RAB31: variants seen among roughly 807,000 people sequenced by gnomAD.
RAB31 encodes the protein ras-related protein Rab-31.
In RAB31, 21 loss-of-function variants were observed where a neutral mutation model predicts 25.6. The observed-to-expected ratio is 0.82, with a 90% CI of 0.58 to 1.18. The LOEUF (loss-of-function observed/expected upper bound fraction) is 1.18. Ranked by LOEUF, RAB31 falls within the 50% of genes most tolerant of loss-of-function variation. The pLI, the probability that RAB31 is intolerant of heterozygous loss-of-function variation, is 0.00. For synonymous variants in RAB31, 87 were observed against 84.0 expected (o/e 1.04, Z -0.20); for missense variants, 196 against 250.1 (o/e 0.78, Z 1.46).
chr18:9,797,277 C>T (rs2143040191), intron 3 of RAB31: 1 of 152,268 alleles, frequency 6.6e-6, no homozygotes, highest in South Asian at 2.1e-4. Flanking sequence ...TCTCTTTTTA[C>T]CTCTGGCTAT....
intron 1 of RAB31, among the ~76,000 whole-genome samples, chr18:9,731,596 C>CTTTT (rs10685568): frequency 0.34 from 36,874 of 107,042 alleles, 6,940 homozygotes; most frequent in African/African-American, 0.5. Context: ...TGGGAATTTG[C>CTTTT]TTTTTTTTTT....
At position 9,791,750 on chromosome 18, in the gene RAB31, C is replaced by T. The variant is rs138888011; in HGVS notation, c.120-404C>T. On this transcript the variant is annotated intron_variant, in intron 2 of 6. Coordinates refer to ENST00000578921, the MANE Select transcript of RAB31 (RefSeq NM_006868.4). ...CTGGGACCGCAGGTGCCTGCCACCACGCCGCCACCAGGCCTGGCTAATTTT... is the reference window on the plus strand; with the variant it reads ...CTGGGACCGCAGGTGCCTGCCACCATGCCGCCACCAGGCCTGGCTAATTTT... Among the ~76,000 whole-genome samples the T allele has an allele frequency of 4.0e-3, 611 of 152,124 alleles. 7 individuals are homozygous for T. Among genetic ancestry groups the T allele is most frequent in the African/African-American group, 0.014 (564 of 41,502 alleles).
intron 1 of RAB31, among the ~76,000 whole-genome samples, chr18:9,738,411 C>T (rs2068161314): frequency 6.6e-6 from 1 of 152,112 alleles, no homozygotes. Flanking sequence ...AAGGGACCTC[C>T]AGGGAAGGGA....
chr18:9,733,813 C>T (rs1429814740), intron 1 of RAB31, among the ~76,000 whole-genome samples: 1 of 151,862 alleles, frequency 6.6e-6, no homozygotes, highest in East Asian at 1.9e-4. Flanking sequence ...AGACATTGTA[C>T]CGTTGTTTTC....
chr18:9,778,741 G>C (rs1362779140), intron 2 of RAB31, among the ~76,000 whole-genome samples: 1 of 152,190 alleles, frequency 6.6e-6, no homozygotes, highest in Non-Finnish European at 1.5e-5. Flanking sequence ...AAAGTGCTGG[G>C]ATTATAGGCG....
At position 9,810,778 on chromosome 18, in the gene RAB31, A is replaced by G. The variant is rs1031351469; in HGVS notation, c.202-3242A>G. Among the ~76,000 whole-genome samples, 10 of 152,294 alleles carry G rather than the reference A, an allele frequency of 6.6e-5. No individual in the cohort carries two copies. In the East Asian group the frequency reaches 1.9e-3, roughly 29 times the overall value. On this transcript the variant is annotated intron_variant, in intron 3 of 6. Coordinates refer to ENST00000578921, the MANE Select transcript of RAB31 (RefSeq NM_006868.4). Reference sequence around the variant, plus strand: ...CTCCTCTTTGAGCTTGAGTCCATGAATATCTTTACTTTTGGGAAATAAAGT... The same window carrying G: ...CTCCTCTTTGAGCTTGAGTCCATGAGTATCTTTACTTTTGGGAAATAAAGT...
chr18:9,763,417 A>G (rs1238791341), intron 1 of RAB31, among the ~76,000 whole-genome samples: 1 of 152,184 alleles, frequency 6.6e-6, no homozygotes, highest in African/African-American at 2.4e-5. Context: ...AAGATTTAAA[A>G]ATTCATCAAG....
intron 2 of RAB31, among the ~76,000 whole-genome samples, chr18:9,778,855 C>T (rs779650566): frequency 1.4e-4 from 21 of 152,290 alleles, no homozygotes; most frequent in Middle Eastern, 6.8e-3. Context: ...ATAGTCAATT[C>T]ACAAATATTT....
chr18:9,814,527 T>C (rs2143078480), intron 4 of RAB31: 1 of 158,458 alleles, frequency 6.3e-6, no homozygotes, highest in African/African-American at 2.4e-5. Flanking sequence ...GTCTTAGACT[T>C]CCATCAACAA....
intron 6 of RAB31, among the ~76,000 whole-genome samples, chr18:9,857,263 C>T (rs749083727): frequency 1.4e-5 from 2 of 147,680 alleles, no homozygotes; most frequent in Admixed American, 6.8e-5. Context: ...ACTGTCTATA[C>T]CATCTGATCT....
intron 5 of RAB31, among the ~76,000 whole-genome samples, chr18:9,837,867 A>G (rs1012893506): frequency 2.6e-5 from 4 of 152,140 alleles, no homozygotes; most frequent in Non-Finnish European, 4.4e-5. Context: ...TCATGCTTCT[A>G]TGGAATGTTG....
intron 1 of RAB31, among the ~76,000 whole-genome samples, chr18:9,733,662 A>C (rs1290435235): frequency 1.3e-5 from 2 of 152,100 alleles, no homozygotes; most frequent in Non-Finnish European, 2.9e-5. Context: ...GTGGGTGTGG[A>C]CAAGACTGCT....
chr18:9,804,073 C>T lies in RAB31; in HGVS notation c.202-9947C>T, dbSNP rs191934679. Among the ~76,000 whole-genome samples, 1,035 of 152,314 alleles carry T rather than the reference C, an allele frequency of 6.8e-3. 14 individuals carry two copies. Among genetic ancestry groups the T allele is most frequent in the African/African-American group, 0.024 (979 of 41,570 alleles). ...TGGCAGTGAGGGATGTGGCCTGGGC[C>T]GTGGGAACACAGAGGCGGCCAGAGG... is the stretch of plus-strand genomic sequence containing the variant. On this transcript the variant is annotated intron_variant, in intron 3 of 6. Coordinates refer to ENST00000578921, the MANE Select transcript of RAB31 (RefSeq NM_006868.4).
chr18:9,779,065 G>C (rs76152066), intron 2 of RAB31, among the ~76,000 whole-genome samples: 1,642 of 152,230 alleles, frequency 0.011, 34 homozygotes, highest in African/African-American at 0.037. Flanking sequence ...GGTTGGTTTT[G>C]CTGTCTTGAG....
rs540207410 is a variant in RAB31, at chr18:9,789,314, A to G, written c.120-2840A>G. Among the ~76,000 whole-genome samples the G allele has an allele frequency of 5.1e-4, 78 of 152,224 alleles. 1 individual carries two copies. The highest frequency in any genetic ancestry group is 7.3e-5 in the Non-Finnish European group (5 of 68,030). Reference sequence around the variant, plus strand: ...GGAGGAAAATATTCTAGTGTTCTGTAGCACTGTAGGATGAATAAGGCTAAC... The same window carrying G: ...GGAGGAAAATATTCTAGTGTTCTGTGGCACTGTAGGATGAATAAGGCTAAC... On this transcript the variant is annotated intron_variant, in intron 2 of 6. Transcript: ENST00000578921.
intron 1 of RAB31, among the ~76,000 whole-genome samples, chr18:9,737,953 C>G (rs2068158844): frequency 6.6e-6 from 1 of 152,196 alleles, no homozygotes; most frequent in African/African-American, 2.4e-5. Context: ...ACAAGACAGG[C>G]TTACCAACAA....
chr18:9,812,584 T>C (rs963419166), intron 3 of RAB31, among the ~76,000 whole-genome samples: 1 of 152,202 alleles, frequency 6.6e-6, no homozygotes, highest in Admixed American at 6.5e-5. Flanking sequence ...AAATATTTGT[T>C]GGCAATGTAT....
intron 1 of RAB31, among the ~76,000 whole-genome samples, chr18:9,757,375 A>G (rs2068265351): frequency 1.3e-5 from 2 of 152,180 alleles, no homozygotes; most frequent in Non-Finnish European, 2.9e-5. Flanking sequence ...TCTACACCCT[A>G]CATTGGGAGG....
At chr18:9,836,768 G>T (rs952399972) in intron 5 of RAB31, among the ~76,000 whole-genome samples, 1 of 88,930 alleles carries the variant, frequency 1.1e-5, no homozygotes, top group African/African-American at 3.4e-5. Flanking sequence ...ACAGGGTGAA[G>T]CACATGGGTA....
Sources: allele counts gnomAD v4.1 joint callset (sites outside exome capture counted in the v4.1 genomes callset), GRCh38; gene constraint gnomAD v4.1.1; transcripts MANE v1.5; gene names NCBI Gene and HGNC (gene_info 2026-07-23, HGNC 2026-07-21).